The following STK3 variants were observed in gnomAD, a reference collection of about 807,000 sequenced individuals.
The protein encoded by STK3 is serine/threonine kinase 3.
Under a neutral mutation model 58.0 loss-of-function variants are expected in STK3, and 41 were observed. The observed-to-expected ratio is 0.71, with a 90% CI of 0.55 to 0.92. STK3 has a LOEUF of 0.92. Ranked by LOEUF, STK3 falls within the 40% of genes least tolerant of loss-of-function variation. STK3 has a pLI of 0.00. For missense variants in STK3, 479 were observed against 602.7 expected (o/e 0.79, Z 2.15); for synonymous variants, 170 against 191.0 (o/e 0.89, Z 0.91).
At chr8:98,684,836 T>A (rs982321280) in intron 6 of STK3, among the ~76,000 whole-genome samples, 1 of 152,182 alleles carries the variant, frequency 6.6e-6, no homozygotes, top group Admixed American at 6.5e-5. Flanking sequence ...AAAATCAATG[T>A]AATGGATTTG....
At chr8:98,739,045 G>A (rs546269306) in intron 4 of STK3, among the ~76,000 whole-genome samples, 50 of 152,314 alleles carry the variant, frequency 3.3e-4, no homozygotes, top group African/African-American at 4.3e-4. Context: ...GGGGAGGGGC[G>A]CCCGCCATTG....
At chr8:98,501,332 A>C (rs893830222) in intron 10 of STK3, among the ~76,000 whole-genome samples, 36 of 151,796 alleles carry the variant, frequency 2.4e-4, no homozygotes, top group Non-Finnish European at 2.9e-5. Flanking sequence ...AGATTGTAAA[A>C]ATTTTCTTCC....
At chr8:98,854,129 A>ATATT (rs542032878) in intron 3 of STK3, among the ~76,000 whole-genome samples, 2,050 of 151,966 alleles carry the variant, frequency 0.013, 43 homozygotes, top group African/African-American at 0.045. Flanking sequence ...AAGTAAAACT[A>ATATT]TATTTATTTA....
intron 3 of STK3, among the ~76,000 whole-genome samples, chr8:98,834,871 C>T (rs1835690452): frequency 6.6e-6 from 1 of 152,190 alleles, no homozygotes; most frequent in South Asian, 2.1e-4. Flanking sequence ...TTTACTCCAG[C>T]CCAAAGCTTG....
intron 1 of STK3, among the ~76,000 whole-genome samples, chr8:98,821,429 C>T (rs72668407): frequency 0.034 from 5,128 of 151,862 alleles, 117 homozygotes; most frequent in South Asian, 0.067. Flanking sequence ...ATTTCCCTTC[C>T]CAGAGGGAAA....
chr8:98,536,134 C>A (rs187080913), intron 9 of STK3, among the ~76,000 whole-genome samples: 23 of 152,282 alleles, frequency 1.5e-4, no homozygotes, highest in Admixed American at 1.5e-3. Context: ...GAGCTTCTAA[C>A]TGAAGTCACA....
rs188256264 is a variant in STK3 at position 98,856,212 on chromosome 8, C to T, written c.110+27435G>A. On this transcript the variant is annotated intron_variant, in intron 3 of 12. Coordinates refer to the STK3 transcript ENST00000523601. ...GTAATGGCAGGTGCCTGTAATCCCA[C>T]AGCTACTCAGGAGGCTGAGGTCTCA... is the stretch of plus-strand genomic sequence containing the variant. Among the ~76,000 whole-genome samples the T allele has an allele frequency of 3.5e-5, 5 of 143,552 alleles. No individual in the cohort carries two copies. In the East Asian group the frequency reaches 1.0e-3, roughly 29 times the overall value. The allele number at this position is 143,552 out of a possible 152,430, so 94.2% of individuals were successfully genotyped here.
intron 1 of STK3, among the ~76,000 whole-genome samples, chr8:98,895,358 C>A (rs1838406067): frequency 6.6e-6 from 1 of 152,142 alleles, no homozygotes; most frequent in Admixed American, 6.5e-5. Context: ...CACAACTCGG[C>A]ACCCATCCCC....
intron 3 of STK3, among the ~76,000 whole-genome samples, chr8:98,763,957 G>A (rs1364141207): frequency 1.3e-5 from 2 of 152,196 alleles, no homozygotes; most frequent in East Asian, 3.8e-4. Flanking sequence ...TTACAGGCGT[G>A]AGCCACCATG....
At chr8:98,482,985 A>T (rs924095641) in intron 10 of STK3, among the ~76,000 whole-genome samples, 3 of 152,108 alleles carry the variant, frequency 2.0e-5, no homozygotes, top group Non-Finnish European at 2.9e-5. Flanking sequence ...TTCTTTTCTG[A>T]TTATTAGTGA....
At chr8:98,681,007 T>G (rs1469273795) in intron 6 of STK3, among the ~76,000 whole-genome samples, 1 of 149,556 alleles carries the variant, frequency 6.7e-6, no homozygotes, top group African/African-American at 2.5e-5. Context: ...TTTGGTGTTG[T>G]TGTTGTTTTG....
downstream of STK3, among the ~76,000 whole-genome samples, chr8:98,450,099 T>C (rs147966449): frequency 1.6e-3 from 238 of 152,338 alleles, 1 homozygote; most frequent in African/African-American, 5.6e-3. Context: ...TGGACTAAGA[T>C]ATACAACTTT....
chr8:98,739,134 T>A (rs917013739), intron 4 of STK3, among the ~76,000 whole-genome samples: 1 of 152,270 alleles, frequency 6.6e-6, no homozygotes, highest in African/African-American at 2.4e-5. Flanking sequence ...GAGGCCTGCC[T>A]GCCTCTGTAG....
chr8:98,911,898 T>C (rs1839151791), intron 1 of STK3, among the ~76,000 whole-genome samples: 1 of 152,218 alleles, frequency 6.6e-6, no homozygotes, highest in African/African-American at 2.4e-5. Context: ...AGTAGTGCTT[T>C]CCACCCTTGA....
At chr8:98,546,292 G>A (rs1810692853) in intron 9 of STK3, among the ~76,000 whole-genome samples, 1 of 152,114 alleles carries the variant, frequency 6.6e-6, no homozygotes, top group Admixed American at 6.6e-5. Context: ...TATAAAGTAT[G>A]ATGTCGGAAA....
At chr8:98,386,565 G>T (rs1191143523) in intron 1 of STK3, among the ~76,000 whole-genome samples, 2 of 152,080 alleles carry the variant, frequency 1.3e-5, no homozygotes, top group African/African-American at 4.8e-5. Flanking sequence ...TTTTTTAAAC[G>T]CAGGATAACA....
chr8:98,707,077 T>C (rs1826019955), intron 5 of STK3, 70 bp downstream of exon 5: 2 of 1,461,556 alleles, frequency 1.4e-6, no homozygotes, highest in Non-Finnish European at 1.8e-6. Flanking sequence ...CAAAAAGTAA[T>C]TGAAGTTTAG....
At chr8:98,720,371 A>C (rs1452617795) in intron 4 of STK3, among the ~76,000 whole-genome samples, 3 of 152,176 alleles carry the variant, frequency 2.0e-5, no homozygotes, top group Non-Finnish European at 4.4e-5. Context: ...TAAGTAGCAA[A>C]CCTCACATTT....
At chr8:98,883,363 C>T (rs977559567), downstream of STK3, 1 of 311,514 alleles carries the variant, frequency 3.2e-6, no homozygotes, top group African/African-American at 2.1e-5. Flanking sequence ...TCACTCTCCA[C>T]CATTCATCAC....
Sources: gnomAD v4.1 joint callset for allele counts (sites outside exome capture counted in the v4.1 genomes callset) on GRCh38, gnomAD v4.1.1 for gene constraint, MANE v1.5 for transcripts, NCBI Gene and HGNC (gene_info 2026-07-23, HGNC 2026-07-21) for gene names.